Variants in PTPRM observed in about 807,000 individuals in gnomAD.
PTPRM encodes receptor-type tyrosine-protein phosphatase mu.
In PTPRM, 47 loss-of-function variants were observed where a neutral mutation model predicts 186.7. The observed-to-expected ratio is 0.25, with a 90% confidence interval of 0.20 to 0.32. The LOEUF (loss-of-function observed/expected upper bound fraction) is 0.32. Ranked by LOEUF, PTPRM falls within the 10% of genes least tolerant of loss-of-function variation. PTPRM has a pLI of 1.00. For missense variants in PTPRM, 1,494 were observed against 1,865.0 expected, an observed-to-expected ratio of 0.80 and a Z score of 3.66; for synonymous variants, 668 against 674.9, an observed-to-expected ratio of 0.99 and a Z score of 0.16.
At chr18:8,397,100 G>A (rs1397099597) in intron 32 of PTPRM, among the ~76,000 whole-genome samples, 3 of 152,252 alleles carry the variant, frequency 2.0e-5, no homozygotes, top group Non-Finnish European at 2.9e-5. Flanking sequence ...ACTTAGCCGC[G>A]TCTTCAGAGG....
intron 5 of PTPRM, among the ~76,000 whole-genome samples, chr18:7,943,602 A>C (rs1315605349): frequency 6.6e-6 from 1 of 152,144 alleles, no homozygotes; most frequent in African/African-American, 2.4e-5. Context: ...CAGAAGCCCT[A>C]AAAGAAGGTG....
At chr18:8,087,257 T>C (rs936220778) in intron 10 of PTPRM, among the ~76,000 whole-genome samples, 7 of 152,180 alleles carry the variant, frequency 4.6e-5, no homozygotes, top group Non-Finnish European at 8.8e-5. Context: ...CAAAGATTAT[T>C]GTCATAATGA....
At chr18:7,598,755 T>C (rs1296325276) in intron 1 of PTPRM, among the ~76,000 whole-genome samples, 1 of 151,886 alleles carries the variant, frequency 6.6e-6, no homozygotes, top group Non-Finnish European at 1.5e-5. Context: ...GACTGGCTGT[T>C]TGGCCTGAGA....
At chr18:8,252,817 T>C (rs1385857665) in intron 18 of PTPRM, among the ~76,000 whole-genome samples, 1 of 152,228 alleles carries the variant, frequency 6.6e-6, no homozygotes, top group Non-Finnish European at 1.5e-5. Context: ...GCACTTTTAT[T>C]TTGCTCACAG....
chr18:7,988,567 C>G lies in PTPRM; in HGVS notation c.1132+33153C>G, dbSNP rs151254932. On this transcript the variant is annotated intron_variant, in intron 7 of 32. Transcript: ENST00000580170. ...TGTACTTAAAACGACAACCTCCACTCCTCCCCTCCACCTAGTCCCAGACAA... is the reference window on the plus strand; with the variant it reads ...TGTACTTAAAACGACAACCTCCACTGCTCCCCTCCACCTAGTCCCAGACAA... Among the ~76,000 whole-genome samples the G allele has an allele frequency of 3.1e-4, 47 of 152,256 alleles. 3 individuals carry two copies. In the East Asian group the frequency reaches 9.1e-3, roughly 29 times the overall value.
intron 23 of PTPRM, among the ~76,000 whole-genome samples, chr18:8,352,427 C>T (rs147220341): frequency 2.0e-5 from 3 of 152,204 alleles, no homozygotes; most frequent in African/African-American, 7.2e-5. Flanking sequence ...AGTTTTTAAA[C>T]CCTTTCCCTC....
At chr18:7,955,489 A>T in intron 7 of PTPRM, 75 bp downstream of exon 7, 2 of 1,515,102 alleles carry the variant, frequency 1.3e-6, no homozygotes, top group Non-Finnish European at 1.8e-6. Context: ...GGTTGATCAG[A>T]TGCCTAGCAC....
At chr18:8,018,432 T>C (rs1397850949) in intron 7 of PTPRM, among the ~76,000 whole-genome samples, 3 of 152,192 alleles carry the variant, frequency 2.0e-5, no homozygotes, top group Non-Finnish European at 4.4e-5. Context: ...GCACCCCTCA[T>C]TGTCACAGAG....
chr18:8,258,219 C>T (rs1459392157), intron 19 of PTPRM, among the ~76,000 whole-genome samples: 1 of 152,190 alleles, frequency 6.6e-6, no homozygotes, highest in Non-Finnish European at 1.5e-5. Flanking sequence ...CCTGGTTCCT[C>T]TGACAAGCAA....
chr18:7,926,060 A>C (rs2051155631), intron 4 of PTPRM, among the ~76,000 whole-genome samples: 1 of 152,210 alleles, frequency 6.6e-6, no homozygotes, highest in South Asian at 2.1e-4. Context: ...TGGTAGCTGA[A>C]AAATATTACA....
At chr18:7,745,331 T>G (rs1444421481) in intron 1 of PTPRM, among the ~76,000 whole-genome samples, 1 of 152,196 alleles carries the variant, frequency 6.6e-6, no homozygotes, top group Non-Finnish European at 1.5e-5. Flanking sequence ...ATCCAGAAGG[T>G]CCAGTGCAGT....
chr18:7,963,604 T>A (rs2053824907), intron 7 of PTPRM, among the ~76,000 whole-genome samples: 1 of 152,218 alleles, frequency 6.6e-6, no homozygotes, highest in Non-Finnish European at 1.5e-5. Flanking sequence ...TAGCTTTGAA[T>A]ACACTGAGGA....
chr18:8,172,033 A>G (rs923964502), intron 14 of PTPRM, among the ~76,000 whole-genome samples: 26 of 152,200 alleles, frequency 1.7e-4, no homozygotes, highest in African/African-American at 6.0e-4. Context: ...CTTTAGCACC[A>G]TTGTAAAGTC....
chr18:7,582,103 T>C (rs1294560378), intron 1 of PTPRM, among the ~76,000 whole-genome samples: 1 of 152,218 alleles, frequency 6.6e-6, no homozygotes, highest in African/African-American at 2.4e-5. Flanking sequence ...ACAAGGTATA[T>C]TGGTTAGCTA....
At chr18:8,075,645 A>T (rs2089764749) in intron 8 of PTPRM, among the ~76,000 whole-genome samples, 1 of 152,120 alleles carries the variant, frequency 6.6e-6, no homozygotes, top group East Asian at 1.9e-4. Context: ...TTGCAAACTT[A>T]TAAGAAGGTG....
chr18:7,738,775 C>T (rs1300926945), intron 1 of PTPRM, among the ~76,000 whole-genome samples: 1 of 152,152 alleles, frequency 6.6e-6, no homozygotes, highest in Non-Finnish European at 1.5e-5. Context: ...GGTTGTGTGA[C>T]ATGCAGTCAG....
At chr18:8,310,657 C>G (rs962521604) in intron 20 of PTPRM, among the ~76,000 whole-genome samples, 5 of 152,036 alleles carry the variant, frequency 3.3e-5, no homozygotes, top group African/African-American at 9.7e-5. Flanking sequence ...CATTCACTCT[C>G]ATAGCTCTCT....
chr18:8,187,701 A>C (rs2093661065), intron 14 of PTPRM, among the ~76,000 whole-genome samples: 1 of 152,148 alleles, frequency 6.6e-6, no homozygotes, highest in African/African-American at 2.4e-5. Flanking sequence ...TAAGAGGTGA[A>C]GTTAACGGGA....
rs191450767 is a variant in PTPRM at position 8,069,148 on chromosome 18, T to C, written c.1133-538T>C. On this transcript the variant is annotated intron_variant, in intron 7 of 32. Coordinates refer to ENST00000580170, the MANE Select transcript of PTPRM (RefSeq NM_001105244.2). ...AAAAAAAAAAAAGCAGATTGGTTTA[T>C]TTTATCAGAGACCCAGAGAAAAAGA... is the stretch of plus-strand genomic sequence containing the variant. Among the ~76,000 whole-genome samples the C allele has an allele frequency of 3.1e-3, 463 of 151,748 alleles. 3 individuals are homozygous for C. Among genetic ancestry groups the C allele is most frequent in the African/African-American group, 0.011 (448 of 41,410 alleles).
Sources: gnomAD v4.1 joint callset for allele counts (sites outside exome capture counted in the v4.1 genomes callset) on GRCh38, gnomAD v4.1.1 for gene constraint, MANE v1.5 for transcripts, NCBI Gene and HGNC (gene_info 2026-07-23, HGNC 2026-07-21) for gene names.